ROR1: variants seen among roughly 807,000 people sequenced by gnomAD.
The protein encoded by ROR1 is ROR family WNT receptor 1.
A neutral mutation model predicts 78.8 loss-of-function variants in ROR1; 19 were observed. The ratio of observed to expected loss-of-function variants is 0.24; its 90% CI spans 0.17 to 0.35. ROR1 has a LOEUF of 0.35. Among genes scored for constraint, ROR1 ranks in the 10% least tolerant of loss-of-function variants. The probability of loss-of-function intolerance (pLI) is 1.00; values close to 1 mark genes in which losing one functional copy is unlikely to be tolerated. For missense variants in ROR1, 917 were observed against 1,177.8 expected, an observed-to-expected ratio of 0.78 and a Z score of 3.24; for synonymous variants, 386 against 433.6, an observed-to-expected ratio of 0.89 and a Z score of 1.36.
chr1:63,915,161 C>T (rs552163917), intron 1 of ROR1, among the ~76,000 whole-genome samples: 1 of 152,322 alleles, frequency 6.6e-6, no homozygotes, highest in East Asian at 1.9e-4. Context: ...CCCATGGTCA[C>T]ATTAAATAGT....
intron 4 of ROR1, among the ~76,000 whole-genome samples, chr1:64,100,224 G>A (rs1647472195): frequency 1.3e-5 from 2 of 152,178 alleles, no homozygotes; most frequent in Non-Finnish European, 2.9e-5. Context: ...GCTCGTGTCT[G>A]TAATCCCAGC....
chr1:64,140,890 G>A (rs1324353), intron 6 of ROR1, among the ~76,000 whole-genome samples: 71,371 of 151,938 alleles, frequency 0.47, 17,810 homozygotes, highest in African/African-American at 0.64. Flanking sequence ...ATACAGATAC[G>A]TGCTACAAAC....
chr1:64,176,769 A>G (rs1650392513), intron 8 of ROR1, among the ~76,000 whole-genome samples: 1 of 152,242 alleles, frequency 6.6e-6, no homozygotes, highest in South Asian at 2.1e-4. Flanking sequence ...TCCCATCTCT[A>G]TTGTGAGTAC....
At chr1:63,792,912 G>A (rs1021585662) in intron 1 of ROR1, among the ~76,000 whole-genome samples, 1 of 152,212 alleles carries the variant, frequency 6.6e-6, no homozygotes, top group African/African-American at 2.4e-5. Flanking sequence ...AGTTGGTGCC[G>A]AGGATTCTCA....
At position 64,023,653 on chromosome 1, in the gene ROR1, G is replaced by A. The variant is rs116145656; in HGVS notation, c.163+14277G>A. Among the ~76,000 whole-genome samples the A allele has an allele frequency of 3.8e-3, 578 of 152,256 alleles. 8 individuals are homozygous for A. The highest frequency in any genetic ancestry group is 0.013 in the African/African-American group (537 of 41,548). Reference sequence around the variant, plus strand: ...ATGTTACTGCTAACAGATACTGTTTGTCTTTTTAATGCATATATTTTTACA... The same window carrying A: ...ATGTTACTGCTAACAGATACTGTTTATCTTTTTAATGCATATATTTTTACA... On this transcript the variant is annotated intron_variant, in intron 2 of 8. Transcript: ENST00000371079.
chr1:63,848,514 A>G (rs1321432464), intron 1 of ROR1, among the ~76,000 whole-genome samples: 1 of 152,220 alleles, frequency 6.6e-6, no homozygotes. Context: ...AAGTAAATTA[A>G]TATTTTAATA....
At chr1:64,157,994 CA>C (rs1217280466) in intron 7 of ROR1, among the ~76,000 whole-genome samples, 1 of 152,166 alleles carries the variant, frequency 6.6e-6, no homozygotes, top group Non-Finnish European at 1.5e-5. Context: ...TCTTCGTTAT[CA>C]GGGCATGTCA....
At chr1:63,790,384 T>C (rs2100236744) in intron 1 of ROR1, among the ~76,000 whole-genome samples, 1 of 152,362 alleles carries the variant, frequency 6.6e-6, no homozygotes, top group Middle Eastern at 3.4e-3. Flanking sequence ...AGGCTATCTC[T>C]TCCAACAGTT....
intron 4 of ROR1, among the ~76,000 whole-genome samples, chr1:64,100,461 C>G (rs759465487): frequency 6.6e-6 from 1 of 152,134 alleles, no homozygotes; most frequent in Non-Finnish European, 1.5e-5. Context: ...GCACTCCAGC[C>G]TAGGTGACAG....
intron 1 of ROR1, among the ~76,000 whole-genome samples, chr1:63,992,254 G>A (rs1286636628): frequency 1.3e-5 from 2 of 151,678 alleles, no homozygotes; most frequent in African/African-American, 4.8e-5. Flanking sequence ...CGCCAGGCTG[G>A]TGGAGTGCAG....
At position 64,128,869 on chromosome 1, in the gene ROR1, G is replaced by A. The variant is rs578128182; in HGVS notation, c.483-8500G>A. ...GTGAGGCAGGAGAAGATGATGTAAG[G>A]ATATTGTAAAGATGCCAGTTTTACT... On this transcript the variant is annotated intron_variant, in intron 4 of 8. Transcript: ENST00000371079. 6.6e-5 allele frequency among the ~76,000 whole-genome samples: 10 copies of A among 152,286 alleles called. No individual in the cohort carries two copies. The South Asian group carries it at 2.1e-3, about 32-fold the overall frequency.
rs1228377237 is a variant in ROR1, at chr1:63,890,714, A to C, written c.91+116206A>C. Among the ~76,000 whole-genome samples, 4 of 152,050 alleles carry C rather than the reference A, an allele frequency of 2.6e-5. No individual in the cohort carries two copies. The East Asian group carries it at 7.7e-4, about 29-fold the overall frequency. ...GTGGTGGTGGAGGAGTTTCAGGTAG[A>C]AGAAATCATTCACAAAGGCATAAAA... On this transcript the variant is annotated intron_variant, in intron 1 of 8. Transcript: ENST00000371079.
At position 64,050,731 on chromosome 1, in the gene ROR1, C is replaced by G; in HGVS notation, c.482+15C>G. ...CCAGGATACTCGTAAGTACTTTTAT[C>G]TCCTTTCTTGTCATTTCTAAGTGTT... is the stretch of plus-strand genomic sequence containing the variant. On this transcript the variant is annotated intron_variant, in intron 4 of 8. Coordinates refer to ENST00000371079, the MANE Select transcript of ROR1 (RefSeq NM_005012.4). 1 of 1,612,648 alleles carries G rather than the reference C, an allele frequency of 6.2e-7. No homozygotes were observed. The highest frequency in any genetic ancestry group is 8.5e-7 in the Non-Finnish European group (1 of 1,178,688).
chr1:63,847,842 T>A (rs957891283), intron 1 of ROR1, among the ~76,000 whole-genome samples: 10 of 152,166 alleles, frequency 6.6e-5, no homozygotes, highest in African/African-American at 2.4e-4. Context: ...ATAAGTCCCA[T>A]GTGTCTACTC....
intron 8 of ROR1, among the ~76,000 whole-genome samples, chr1:64,167,735 T>G (rs1339133310): frequency 6.6e-6 from 1 of 152,214 alleles, no homozygotes; most frequent in Non-Finnish European, 1.5e-5. Flanking sequence ...AGGGCTCTCA[T>G]GCTCAATTCA....
rs150076103 is a variant in ROR1, at chr1:64,178,035, T to C, written c.1994T>C (p.Met665Thr). Residue 665 changes from methionine to threonine, a missense_variant, in exon 9 of 9, where the codon ATG becomes ACG. Transcript: ENST00000371079. This position sits in a 1 kb window ranked among gnomAD's most constrained non-coding sequence, Gnocchi z 4.3. ...CGCTGGATGCCCCCTGAAGCCATCATGTATGGCAAATTCTCTTCTGATTCA... is the reference window on the plus strand; with the variant it reads ...CGCTGGATGCCCCCTGAAGCCATCACGTATGGCAAATTCTCTTCTGATTCA... ...PIRWMPPEAI[M>T]YGKFSSDSDI... The C allele has an allele frequency of 1.5e-5, 25 of 1,614,074 alleles. No individual in the cohort carries two copies. Among genetic ancestry groups the C allele is most frequent in the African/African-American group, 1.5e-4 (11 of 74,938 alleles).
intron 2 of ROR1, among the ~76,000 whole-genome samples, chr1:64,017,053 AC>A (rs1430108120): frequency 6.6e-6 from 1 of 151,814 alleles, no homozygotes; most frequent in East Asian, 1.9e-4. Flanking sequence ...AGTCGCTGGG[AC>A]CACAGGTGCA....
At chr1:63,860,272 A>G (rs1025253974) in intron 1 of ROR1, among the ~76,000 whole-genome samples, 5 of 152,158 alleles carry the variant, frequency 3.3e-5, no homozygotes, top group Admixed American at 1.3e-4. Flanking sequence ...TATGAATTTT[A>G]TGTGTGGGAA....
intron 1 of ROR1, among the ~76,000 whole-genome samples, chr1:63,812,669 T>G (rs2100271766): frequency 6.6e-6 from 1 of 152,358 alleles, no homozygotes; most frequent in South Asian, 2.1e-4. Flanking sequence ...CAGGCAGTAC[T>G]TAGGAGGATT....
Sources: gnomAD v4.1 joint callset for allele counts (sites outside exome capture counted in the v4.1 genomes callset) on GRCh38, gnomAD v4.1.1 for gene constraint, Gnocchi (gnomAD v3.1) non-coding constraint, MANE v1.5 for transcripts, NCBI Gene and HGNC (gene_info 2026-07-23, HGNC 2026-07-21) for gene names.